Variants in RARB observed in about 807,000 individuals in gnomAD.
RARB encodes the protein retinoic acid receptor beta.
Under a neutral mutation model 51.9 loss-of-function variants are expected in RARB, and 17 were observed. That is an observed-to-expected ratio of 0.33 (90% CI 0.22 to 0.49). The LOEUF (loss-of-function observed/expected upper bound fraction) is 0.49, where lower values mean the gene tolerates loss of function less well. Among genes scored for constraint, RARB ranks in the 20% least tolerant of loss-of-function variants. The pLI, the probability that RARB is intolerant of heterozygous loss-of-function variation, is 0.99. For missense variants in RARB, 369 were observed against 550.8 expected, an observed-to-expected ratio of 0.67 and a Z score of 3.30; for synonymous variants, 215 against 195.4, an observed-to-expected ratio of 1.10 and a Z score of -0.84.
At chr3:25,031,875 A>C (rs907493636) in intron 2 of RARB, among the ~76,000 whole-genome samples, 1 of 152,240 alleles carries the variant, frequency 6.6e-6, no homozygotes, top group Non-Finnish European at 1.5e-5. Context: ...AAGAAACAAA[A>C]AACTCTAAAC....
intron 2 of RARB, among the ~76,000 whole-genome samples, chr3:25,012,658 G>A (rs759332631): frequency 3.3e-5 from 5 of 152,118 alleles, no homozygotes; most frequent in Non-Finnish European, 5.9e-5. Flanking sequence ...CCTAAATGTT[G>A]TTTGAGGTGA....
chr3:24,895,001 C>G (rs1703450174), intron 2 of RARB, among the ~76,000 whole-genome samples: 1 of 152,114 alleles, frequency 6.6e-6, no homozygotes, highest in African/African-American at 2.4e-5. Context: ...GGGAGATGTA[C>G]TTAATTTATT....
intron 3 of RARB, among the ~76,000 whole-genome samples, chr3:25,543,492 T>C (rs1699475414): frequency 6.6e-6 from 1 of 152,122 alleles, no homozygotes; most frequent in Non-Finnish European, 1.5e-5. Context: ...TCAATAACTC[T>C]GCAGCTTGGA....
intron 2 of RARB, among the ~76,000 whole-genome samples, chr3:25,497,111 C>T (rs752296478): frequency 3.3e-5 from 5 of 152,138 alleles, no homozygotes; most frequent in South Asian, 4.1e-4. Context: ...CTCGAACTCC[C>T]GACCCTCAGG....
chr3:24,953,604 G>A (rs767919422), intron 2 of RARB, among the ~76,000 whole-genome samples: 1 of 152,178 alleles, frequency 6.6e-6, no homozygotes, highest in Non-Finnish European at 1.5e-5. Flanking sequence ...ATAACTGGAT[G>A]ATAGATAGCT....
chr3:25,334,623 A>G (rs144299600), intron 5 of RARB, among the ~76,000 whole-genome samples: 1 of 152,342 alleles, frequency 6.6e-6, no homozygotes, highest in African/African-American at 2.4e-5. Flanking sequence ...GCACATGTAT[A>G]CATATGTAAC....
chr3:24,832,628 A>AATATATATATATAT lies in RARB; in HGVS notation c.-459+3235_-459+3248dup, dbSNP rs10526610. On this transcript the variant is annotated intron_variant, in intron 1 of 11. Coordinates refer to the RARB transcript ENST00000383772. ...CTGTATTTAGAAAAAATTGAGTCCC[A>AATATATATATATAT]ATATATATATATATATATATATAAT... Among the ~76,000 whole-genome samples, 439 of 88,382 alleles carry AATATATATATATAT rather than the reference A, an allele frequency of 5.0e-3. 25 individuals carry two copies. Among genetic ancestry groups the AATATATATATATAT allele is most frequent in the African/African-American group, 0.014 (291 of 21,532 alleles). The allele number at this position is 88,382 out of a possible 152,430, so 58.0% of individuals were successfully genotyped here.
At chr3:25,566,850 T>C (rs1318821366) in intron 3 of RARB, among the ~76,000 whole-genome samples, 2 of 152,180 alleles carry the variant, frequency 1.3e-5, no homozygotes, top group African/African-American at 4.8e-5. Flanking sequence ...TTTCTGCACA[T>C]TGGGTTGACT....
At chr3:25,199,145 C>T in intron 5 of RARB, among the ~76,000 whole-genome samples, 1 of 152,002 alleles carries the variant, frequency 6.6e-6, no homozygotes, top group East Asian at 1.9e-4. Flanking sequence ...TCATTTGCAA[C>T]AACGTGGATG....
chr3:25,147,164 T>A (rs1208309756), intron 4 of RARB, among the ~76,000 whole-genome samples: 4 of 152,172 alleles, frequency 2.6e-5, no homozygotes, highest in Non-Finnish European at 4.4e-5. Flanking sequence ...TTCTGAAAAT[T>A]TTGATTCAGT....
chr3:24,862,389 A>T (rs1481517959), intron 2 of RARB, among the ~76,000 whole-genome samples: 1 of 152,168 alleles, frequency 6.6e-6, no homozygotes, highest in Non-Finnish European at 1.5e-5. Context: ...CTGGTGAGGA[A>T]GTACAGTCAT....
At chr3:25,253,260 C>A (rs1351254461) in intron 5 of RARB, among the ~76,000 whole-genome samples, 10 of 151,966 alleles carry the variant, frequency 6.6e-5, no homozygotes, top group Admixed American at 6.6e-4. Flanking sequence ...TCTATCAAAA[C>A]CTGAAGGAAA....
chr3:25,361,995 G>T (rs771943932), intron 5 of RARB, among the ~76,000 whole-genome samples: 5 of 152,204 alleles, frequency 3.3e-5, no homozygotes, highest in African/African-American at 4.8e-5. Flanking sequence ...TCCCTTAACA[G>T]AGCTTGAGTG....
chr3:25,319,623 G>A (rs1704513644), intron 5 of RARB, among the ~76,000 whole-genome samples: 1 of 149,974 alleles, frequency 6.7e-6, no homozygotes, highest in African/African-American at 2.4e-5. Context: ...CGTTCAACAT[G>A]ATTGCATGCG....
At chr3:25,202,140 A>C (rs907689673) in intron 5 of RARB, among the ~76,000 whole-genome samples, 2 of 152,258 alleles carry the variant, frequency 1.3e-5, no homozygotes, top group Admixed American at 6.5e-5. Context: ...CAGAGATTCA[A>C]CTTCTTCCTG....
intron 2 of RARB, among the ~76,000 whole-genome samples, chr3:25,053,002 T>C (rs891176978): frequency 6.6e-6 from 1 of 152,172 alleles, no homozygotes; most frequent in African/African-American, 2.4e-5. Context: ...AGCATGTTTA[T>C]AGTTTGGAGC....
At chr3:24,964,770 G>C (rs543241601) in intron 2 of RARB, among the ~76,000 whole-genome samples, 4 of 152,264 alleles carry the variant, frequency 2.6e-5, no homozygotes, top group South Asian at 2.1e-4. Context: ...TCCTTGCCAG[G>C]CATTCTGCAC....
intron 2 of RARB, among the ~76,000 whole-genome samples, chr3:24,875,895 T>C (rs954995619): frequency 2.0e-5 from 3 of 152,162 alleles, no homozygotes; most frequent in Non-Finnish European, 4.4e-5. Flanking sequence ...CACAATTCTT[T>C]ATTCCTCCCT....
At chr3:24,888,113 T>TG (rs1317041518) in intron 2 of RARB, among the ~76,000 whole-genome samples, 8 of 152,172 alleles carry the variant, frequency 5.3e-5, no homozygotes, top group Non-Finnish European at 1.0e-4. Context: ...AACCTACACT[T>TG]GCTACACAGA....
Sources: gnomAD v4.1 joint callset for allele counts (sites outside exome capture counted in the v4.1 genomes callset) on GRCh38, gnomAD v4.1.1 for gene constraint, MANE v1.5 for transcripts, NCBI Gene and HGNC (gene_info 2026-07-23, HGNC 2026-07-21) for gene names.